The following ADGRL4 variants were observed in gnomAD, a reference collection of about 807,000 sequenced individuals.
ADGRL4 encodes adhesion G protein-coupled receptor L4.
Under a neutral mutation model 74.8 loss-of-function variants are expected in ADGRL4, and 90 were observed. The ratio of observed to expected loss-of-function variants is 1.20; its 90% CI spans 1.02 to 1.43. The LOEUF is 1.43. ADGRL4 is among the 40% of genes most tolerant of loss of function. ADGRL4 has a pLI of 0.00. For synonymous variants in ADGRL4, 311 were observed against 279.2 expected (o/e 1.11, Z -1.14); for missense variants, 881 against 814.3 (o/e 1.08, Z -1.00).
intron 12 of ADGRL4, among the ~76,000 whole-genome samples, chr1:78,912,854 AT>A (rs1404655337): frequency 6.6e-6 from 1 of 151,958 alleles, no homozygotes; most frequent in African/African-American, 2.4e-5. Flanking sequence ...CAGACAACCT[AT>A]GGAATGGAAG....
At chr1:78,893,924 C>T (rs1648341309) in intron 12 of ADGRL4, among the ~76,000 whole-genome samples, 1 of 151,618 alleles carries the variant, frequency 6.6e-6, no homozygotes, top group Non-Finnish European at 1.5e-5. Context: ...TTTTGAAGAC[C>T]TCCAAGTCAT....
At chr1:78,926,189 G>C (rs906475875) in intron 8 of ADGRL4, among the ~76,000 whole-genome samples, 7 of 151,892 alleles carry the variant, frequency 4.6e-5, no homozygotes, top group African/African-American at 1.7e-4. Context: ...ACTTCAAATG[G>C]AACTTCGAAA....
At chr1:78,942,310 C>T (rs965243608) in intron 3 of ADGRL4, among the ~76,000 whole-genome samples, 8 of 151,308 alleles carry the variant, frequency 5.3e-5, no homozygotes, top group African/African-American at 1.9e-4. Flanking sequence ...ACTGGAAAAT[C>T]AGGACTGGTG....
chr1:78,985,547 C>T (rs1459386410), intron 2 of ADGRL4, among the ~76,000 whole-genome samples: 2 of 151,688 alleles, frequency 1.3e-5, no homozygotes, highest in East Asian at 3.9e-4. Context: ...ATATTTCCTC[C>T]AATGGTAATT....
intron 2 of ADGRL4, among the ~76,000 whole-genome samples, chr1:78,982,929 T>C (rs1388611589): frequency 2.0e-5 from 3 of 151,850 alleles, no homozygotes; most frequent in Non-Finnish European, 4.4e-5. Context: ...TATTCAGTGA[T>C]AGGATGGCCC....
intron 2 of ADGRL4, among the ~76,000 whole-genome samples, chr1:78,971,909 C>G (rs1233174410): frequency 6.6e-6 from 1 of 152,088 alleles, no homozygotes; most frequent in African/African-American, 2.4e-5. Flanking sequence ...GCATGTGCCA[C>G]CATGCCCAGC....
At chr1:78,932,491 C>A (rs1488828505) in intron 7 of ADGRL4, among the ~76,000 whole-genome samples, 2 of 151,016 alleles carry the variant, frequency 1.3e-5, no homozygotes, top group Admixed American at 6.6e-5. Context: ...CAAATCAATA[C>A]CCTAACATCA....
chr1:78,963,733 AT>A (rs1253359944), intron 2 of ADGRL4, among the ~76,000 whole-genome samples: 1 of 152,204 alleles, frequency 6.6e-6, no homozygotes, highest in Non-Finnish European at 1.5e-5. Flanking sequence ...ATGAAAATAA[AT>A]GTATACATGG....
intron 12 of ADGRL4, among the ~76,000 whole-genome samples, chr1:78,910,221 T>C (rs1214630077): frequency 6.6e-6 from 1 of 151,852 alleles, no homozygotes; most frequent in African/African-American, 2.4e-5. Context: ...AAGAATGTCT[T>C]ACATAATAAC....
At chr1:78,900,660 C>G (rs1648497448) in intron 12 of ADGRL4, among the ~76,000 whole-genome samples, 1 of 151,986 alleles carries the variant, frequency 6.6e-6, no homozygotes, top group Admixed American at 6.6e-5. Context: ...GGTGTCGCAC[C>G]TCTCCCTTCA....
At chr1:78,979,652 T>C (rs529660993) in intron 2 of ADGRL4, among the ~76,000 whole-genome samples, 1 of 151,970 alleles carries the variant, frequency 6.6e-6, no homozygotes, top group East Asian at 1.9e-4. Context: ...CCAATCTAAG[T>C]GCCCATCAGC....
chr1:78,996,746 A>G (rs1488180567), intron 2 of ADGRL4, among the ~76,000 whole-genome samples: 1 of 152,054 alleles, frequency 6.6e-6, no homozygotes, highest in Non-Finnish European at 1.5e-5. Context: ...TAGCTCTACA[A>G]TTTGGGATGA....
chr1:78,991,300 ATAACT>A (rs1650603691), intron 2 of ADGRL4, among the ~76,000 whole-genome samples: 2 of 152,032 alleles, frequency 1.3e-5, no homozygotes, highest in South Asian at 4.1e-4. Context: ...TATTGTATAG[ATAACT>A]TATCTGGTTA....
intron 2 of ADGRL4, among the ~76,000 whole-genome samples, chr1:78,959,464 C>T (rs949331112): frequency 6.6e-6 from 1 of 152,076 alleles, no homozygotes; most frequent in African/African-American, 2.4e-5. Context: ...GTTTTTAAAC[C>T]GGACTCAGTC....
At position 78,992,882 on chromosome 1, in the gene ADGRL4, C is replaced by T. The variant is rs899342517; in HGVS notation, c.172+12188G>A. Among the ~76,000 whole-genome samples, 24 of 151,958 alleles carry T rather than the reference C, an allele frequency of 1.6e-4. 1 individual carries two copies. Among genetic ancestry groups the T allele is most frequent in the African/African-American group, 4.6e-4 (19 of 41,394 alleles). ...TATACAAATCTATGTAACTTCAGAC[C>T]AATTGATGTTTGATGGTTGATACAA... On this transcript the variant is annotated intron_variant, in intron 2 of 14. Transcript: ENST00000370742.
rs530453596 is a variant in ADGRL4, at chr1:78,908,850, A to G, written c.1749+8784T>C. On this transcript the variant is annotated intron_variant, in intron 12 of 14. Coordinates refer to ENST00000370742, the MANE Select transcript of ADGRL4 (RefSeq NM_022159.4). Reference sequence around the variant, plus strand: ...TATGAGTTTATTCAGCTTTTAAGACATTTTCTACTATGTGTCTTAAGGACA... The same window carrying G: ...TATGAGTTTATTCAGCTTTTAAGACGTTTTCTACTATGTGTCTTAAGGACA... Among the ~76,000 whole-genome samples the G allele has an allele frequency of 1.3e-3, 191 of 152,022 alleles. 1 individual carries two copies. The South Asian group carries it at 0.015, about 12-fold the overall frequency.
intron 3 of ADGRL4, among the ~76,000 whole-genome samples, chr1:78,945,437 AT>A (rs1326245196): frequency 1.3e-5 from 2 of 151,870 alleles, no homozygotes; most frequent in Admixed American, 6.6e-5. Context: ...TAAGTTGAAT[AT>A]TTTTTAGAAA....
intron 2 of ADGRL4, among the ~76,000 whole-genome samples, chr1:78,950,187 G>T (rs1649691991): frequency 6.6e-6 from 1 of 152,154 alleles, no homozygotes; most frequent in Admixed American, 6.6e-5. Context: ...TTGGAGTCAG[G>T]TAATGAAGTA....
chr1:78,908,264 G>A (rs1315621432), intron 12 of ADGRL4, among the ~76,000 whole-genome samples: 1 of 151,938 alleles, frequency 6.6e-6, no homozygotes, highest in African/African-American at 2.4e-5. Flanking sequence ...AAGTCCAAAG[G>A]TGATTAGAAC....
Sources: gnomAD v4.1 joint callset for allele counts (sites outside exome capture counted in the v4.1 genomes callset) on GRCh38, gnomAD v4.1.1 for gene constraint, MANE v1.5 for transcripts, NCBI Gene and HGNC (gene_info 2026-07-23, HGNC 2026-07-21) for gene names.